DYNC1LI2: variants seen among roughly 807,000 people sequenced by gnomAD.
The protein encoded by DYNC1LI2 is dynein cytoplasmic 1 light intermediate chain 2.
A neutral mutation model predicts 57.8 loss-of-function variants in DYNC1LI2; 19 were observed. The observed-to-expected ratio is 0.33, with a 90% CI of 0.23 to 0.48. DYNC1LI2 has a LOEUF of 0.48. Ranked by LOEUF, DYNC1LI2 falls within the 20% of genes least tolerant of loss-of-function variation. DYNC1LI2 has a pLI of 0.99. For synonymous variants in DYNC1LI2, 256 were observed against 233.4 expected (o/e 1.10, Z -0.88); for missense variants, 470 against 604.2 (o/e 0.78, Z 2.33).
intron 6 of DYNC1LI2, chr16:66,733,924 G>A (rs1435562993): frequency 5.9e-6 from 2 of 338,220 alleles, no homozygotes; most frequent in East Asian, 6.6e-5. Context: ...CACTTTCGGA[G>A]GCTGAGGTAG....
Position 66,723,324 on chromosome 16 carries a change from C to G in DYNC1LI2, c.*398G>C. Reference sequence around the variant, plus strand: ...GACTTTCTGCTACTTAATCTGCTTCCCAAGAACAAGTGAATTTACTAACAT... The same window carrying G: ...GACTTTCTGCTACTTAATCTGCTTCGCAAGAACAAGTGAATTTACTAACAT... On this transcript the variant is annotated 3_prime_UTR_variant, in exon 13 of 13. Transcript: ENST00000258198. The G allele has an allele frequency of 4.4e-6, 2 of 458,684 alleles. No individual in the cohort carries two copies. Among genetic ancestry groups the G allele is most frequent in the Non-Finnish European group, 8.8e-6 (2 of 228,380 alleles). The allele number at this position is 458,684 out of a possible 1,614,324, so 28.4% of individuals were successfully genotyped here. A position where few individuals can be genotyped will look rare whatever the true frequency, so the allele number is the denominator to read the frequency against.
intron 4 of DYNC1LI2, among the ~76,000 whole-genome samples, chr16:66,741,996 C>T (rs9930091): frequency 0.51 from 76,600 of 150,566 alleles, 20,236 homozygotes; most frequent in African/African-American, 0.64. Context: ...CTTTGTCTTT[C>T]TTAGGACTTC....
At position 66,751,184 on chromosome 16, in the gene DYNC1LI2, C is replaced by A. The variant is rs1359184874; in HGVS notation, c.181+89G>T. On this transcript the variant is annotated intron_variant, in intron 2 of 12. Transcript: ENST00000258198. The surrounding 1 kb of genome is among the most constrained non-coding windows in gnomAD (Gnocchi z 5.2). ...TTCCCGCCAGGCTGCGGGCAGGCGG[C>A]TGGAACGGGGAAGGCGGGGACCTGA... 3 of 1,431,454 alleles carry A rather than the reference C, an allele frequency of 2.1e-6. No homozygotes were observed. The African/African-American group carries it at 4.4e-5, about 21-fold the overall frequency. The allele number at this position is 1,431,454 out of a possible 1,614,324, so 88.7% of individuals were successfully genotyped here. A position where few individuals can be genotyped will look rare whatever the true frequency, so the allele number is the denominator to read the frequency against.
chr16:66,728,962 G>A, intron 9 of DYNC1LI2, 78 bp downstream of exon 9: 1 of 1,495,730 alleles, frequency 6.7e-7, no homozygotes, highest in Non-Finnish European at 9.3e-7. Context: ...CCCACATGCA[G>A]ACACCCCCAA....
chr16:66,751,124 A>T lies in DYNC1LI2; in HGVS notation c.181+149T>A. The T allele has an allele frequency of 1.1e-6, 1 of 870,572 alleles. No homozygotes were observed. Among genetic ancestry groups the T allele is most frequent in the Non-Finnish European group, 1.7e-6 (1 of 588,320 alleles). The allele number at this position is 870,572 out of a possible 1,614,324, so 53.9% of individuals were successfully genotyped here. ...ACCCTCAGGCGCTGGAGGCTTGACCACTCTCCAGCTGACCGGCCAGGGCCG... is the reference window on the plus strand; with the variant it reads ...ACCCTCAGGCGCTGGAGGCTTGACCTCTCTCCAGCTGACCGGCCAGGGCCG... On this transcript the variant is annotated intron_variant, in intron 2 of 12. Transcript: ENST00000258198. This position sits in a 1 kb window ranked among gnomAD's most constrained non-coding sequence, Gnocchi z 5.2.
rs2017458687 is a variant in DYNC1LI2, at chr16:66,722,127, A to C, written c.*1595T>G. 1 of 152,686 alleles carries C rather than the reference A, an allele frequency of 6.5e-6. No individual in the cohort carries two copies. Among genetic ancestry groups the C allele is most frequent in the African/African-American group, 2.4e-5 (1 of 41,476 alleles). 9.5% of individuals were successfully genotyped at this position (152,686 alleles called of 1,614,324 possible). A position where few individuals can be genotyped will look rare whatever the true frequency, so the allele number is the denominator to read the frequency against. On this transcript the variant is annotated 3_prime_UTR_variant, in exon 13 of 13. Transcript: ENST00000258198. ...CAAGTTGATACTCAGCTTTCTCCTT[A>C]ACAGTGTTCAGACCTTTACGAAAGC...
intron 5 of DYNC1LI2, among the ~76,000 whole-genome samples, chr16:66,734,997 CAAAAAA>C (rs377398071): frequency 2.6e-5 from 1 of 38,572 alleles, no homozygotes; most frequent in African/African-American, 1.2e-4. Flanking sequence ...AACTCCGTCT[CAAAAAA>C]AAAAAAAAAA....
chr16:66,723,068 G>A lies in DYNC1LI2; in HGVS notation c.*654C>T. 1 of 333,316 alleles carries A rather than the reference G, an allele frequency of 3.0e-6. No individual in the cohort carries two copies. Among genetic ancestry groups the A allele is most frequent in the South Asian group, 2.5e-5 (1 of 40,564 alleles). 20.6% of individuals were successfully genotyped at this position (333,316 alleles called of 1,614,324 possible). A position where few individuals can be genotyped will look rare whatever the true frequency, so the allele number is the denominator to read the frequency against. ...CCTGGGTCAGCTCCGCCTGACTCAG[G>A]CACCCCCACAATTAGTACATCTTTC... On this transcript the variant is annotated 3_prime_UTR_variant, in exon 13 of 13. Transcript: ENST00000258198.
In DYNC1LI2 at chr16:66,751,330, C is replaced by G; in HGVS notation, c.124G>C (p.Glu42Gln). The change falls in exon 2 of 13, where the codon GAA (glutamate) becomes CAA (glutamine). Residue 42 changes from glutamate to glutamine, a missense_variant. Coordinates refer to ENST00000258198, the MANE Select transcript of DYNC1LI2 (RefSeq NM_006141.3). This position sits in a 1 kb window ranked among gnomAD's most constrained non-coding sequence, Gnocchi z 5.2. Reference protein sequence around the residue: ...GQSLWSSILSEVSTRARSKLP... With the variant: ...GQSLWSSILSQVSTRARSKLP... The stretch of plus-strand genomic sequence containing the variant: ...TTGGACCTGGCGCGGGTGGACACTT[C>G]GCTCAGAATGGAGGACCTGTGGCGA... 2 of 1,612,178 alleles carry G rather than the reference C, an allele frequency of 1.2e-6. No homozygotes were observed. The highest frequency in any genetic ancestry group is 1.7e-6 in the Non-Finnish European group (2 of 1,179,106).
chr16:66,730,233 AAG>A lies in DYNC1LI2; in HGVS notation c.930-12_930-11del. Reference sequence around the variant, plus strand: ...GTCCCAGCCTGCAGGTCTAAAGGCAAAGAGAGAGGGACTGAATTGCTTTTCCT... The same window carrying A: ...GTCCCAGCCTGCAGGTCTAAAGGCAAAGAGAGGGACTGAATTGCTTTTCCT... On this transcript the variant is annotated splice_polypyrimidine_tract_variant and intron_variant, in intron 7 of 12. Coordinates refer to ENST00000258198, the MANE Select transcript of DYNC1LI2 (RefSeq NM_006141.3). 1 of 1,610,120 alleles carries A rather than the reference AAG, an allele frequency of 6.2e-7. No individual in the cohort carries two copies. Among genetic ancestry groups the A allele is most frequent in the Non-Finnish European group, 8.5e-7 (1 of 1,178,012 alleles).
chr16:66,732,687 G>T (rs999864711), intron 6 of DYNC1LI2: 5 of 410,754 alleles, frequency 1.2e-5, no homozygotes, highest in Non-Finnish European at 2.1e-5. Flanking sequence ...AAGTAAAAAG[G>T]TCATAGTAGC....
In DYNC1LI2 at chr16:66,742,337, A is replaced by G; in HGVS notation, c.529+101T>C. 11 of 1,237,286 alleles carry G rather than the reference A, an allele frequency of 8.9e-6. No individual in the cohort carries two copies. In the South Asian group the frequency reaches 1.5e-4, roughly 17 times the overall value. 76.6% of individuals were successfully genotyped at this position (1,237,286 alleles called of 1,614,324 possible). A position where few individuals can be genotyped will look rare whatever the true frequency, so the allele number is the denominator to read the frequency against. On this transcript the variant is annotated intron_variant, in intron 4 of 12. Coordinates refer to ENST00000258198, the MANE Select transcript of DYNC1LI2 (RefSeq NM_006141.3). ...TAAATGGTGCAAACAAAACAAAACC[A>G]CGAAGCAAGGGAAGCCTCTAGGATT...
In DYNC1LI2 at chr16:66,742,524, G is replaced by A; in HGVS notation, c.443C>T (p.Ser148Phe). Reference sequence around the variant, plus strand: ...TAAAACACTAGCCCATTTCTGCAGAGATTCCATCACAGTCCAAGGTCTAGA... The same window carrying A: ...TAAAACACTAGCCCATTTCTGCAGAAATTCCATCACAGTCCAAGGTCTAGA... ...DMSRPWTVME[S>F]LQKWASVLRE... The change falls in exon 4 of 13, where the codon TCT becomes TTT. Residue 148 changes from serine to phenylalanine, a missense_variant. Transcript: ENST00000258198. The A allele has an allele frequency of 6.2e-7, 1 of 1,614,190 alleles. No homozygotes were observed. Among genetic ancestry groups the A allele is most frequent in the East Asian group, 2.2e-5 (1 of 44,884 alleles).
chr16:66,728,236 G>C lies in DYNC1LI2; in HGVS notation c.1108C>G (p.Leu370Val). The part of the protein sequence containing the change: ...QVFLMKQQSL[L>V]AKQPATPTRA... ...GTGGGAGTGGCTGGTTGCTTGGCAA[G>C]GAGTGACTGCAAAGAGAGGGACAAA... Residue 370 changes from leucine to valine, a missense_variant, in exon 10 of 13, where the codon CTT becomes GTT. Transcript: ENST00000258198. The C allele has an allele frequency of 6.2e-7, 1 of 1,614,126 alleles. No homozygotes were observed.
chr16:66,732,607 T>A, intron 6 of DYNC1LI2, 133 bp from the exon 7 acceptor site: 1 of 944,070 alleles, frequency 1.1e-6, no homozygotes, highest in Non-Finnish European at 1.5e-6. Flanking sequence ...ATTACAATTT[T>A]AAAAACTAAA....
At chr16:66,728,321 G>A in intron 9 of DYNC1LI2, 79 bp from the exon 10 acceptor site, 1 of 1,528,626 alleles carries the variant, frequency 6.5e-7, no homozygotes. Flanking sequence ...CTTACTCCAA[G>A]TACTCCACTA....
intron 3 of DYNC1LI2, among the ~76,000 whole-genome samples, chr16:66,744,856 G>A (rs1338916502): frequency 4.6e-5 from 7 of 151,462 alleles, no homozygotes; most frequent in Admixed American, 2.0e-4. Flanking sequence ...CACCATGCCC[G>A]GCCAAATTTA....
At position 66,736,253 on chromosome 16, in the gene DYNC1LI2, A is replaced by C. The variant is rs370643111; in HGVS notation, c.530-9T>G. The stretch of plus-strand genomic sequence containing the variant: ...TTGAAAATCTTTCACAACTGGGGGA[A>C]AAAGAGGAAAAAAAATCACATGCAC... On this transcript the variant is annotated splice_polypyrimidine_tract_variant and intron_variant, in intron 4 of 12. Coordinates refer to ENST00000258198, the MANE Select transcript of DYNC1LI2 (RefSeq NM_006141.3). 1 of 1,608,826 alleles carries C rather than the reference A, an allele frequency of 6.2e-7. No homozygotes were observed. The highest frequency in any genetic ancestry group is 2.2e-5 in the East Asian group (1 of 44,790).
intron 11 of DYNC1LI2, among the ~76,000 whole-genome samples, chr16:66,727,358 G>T (rs1188791225): frequency 1.3e-5 from 2 of 152,192 alleles, no homozygotes; most frequent in African/African-American, 4.8e-5. Flanking sequence ...TGTGCCACAG[G>T]CTGGGTGACA....
Sources: gnomAD v4.1 joint callset for allele counts (sites outside exome capture counted in the v4.1 genomes callset) on GRCh38, gnomAD v4.1.1 for gene constraint, Gnocchi (gnomAD v3.1) non-coding constraint, MANE v1.5 for transcripts, NCBI Gene and HGNC (gene_info 2026-07-23, HGNC 2026-07-21) for gene names.